Variants in NAMPT observed in about 807,000 individuals in gnomAD.
NAMPT encodes the protein NAmPRTase.
NAMPT carries 7 observed loss-of-function variants against 58.7 expected under a neutral mutation model. That is an observed-to-expected ratio of 0.12 (90% CI 0.07 to 0.22). The LOEUF is 0.22. NAMPT is among the 10% of genes least tolerant of loss of function. The pLI is 1.00. For synonymous variants in NAMPT, 145 were observed against 198.1 expected (o/e 0.73, Z 2.25); for missense variants, 271 against 567.9 (o/e 0.48, Z 5.31).
At chr7:106,285,692 C>A, upstream of NAMPT, 1 of 619,496 alleles carries the variant, frequency 1.6e-6, no homozygotes, top group South Asian at 7.2e-5. Context: ...ACTCCGCTTT[C>A]CTCCGGCGGC....
chr7:106,280,163 G>C (rs1197006684), intron 1 of NAMPT, among the ~76,000 whole-genome samples: 2 of 152,158 alleles, frequency 1.3e-5, no homozygotes, highest in Non-Finnish European at 2.9e-5. Flanking sequence ...GGTGACCAAA[G>C]AGTGCAGGAG....
chr7:106,270,214 A>G, intron 4 of NAMPT: 1 of 337,640 alleles, frequency 3.0e-6, no homozygotes, highest in South Asian at 2.2e-5. Context: ...ATGGCTTAGA[A>G]ATTCACTTCT....
At chr7:106,259,882 T>TTTC (rs1554351405) in intron 8 of NAMPT, among the ~76,000 whole-genome samples, 1 of 149,272 alleles carries the variant, frequency 6.7e-6, no homozygotes, top group African/African-American at 2.5e-5. Context: ...AACAATCTTT[T>TTTC]TTTTTTTTTT....
chr7:106,266,896 G>C (rs1792423739), intron 6 of NAMPT, among the ~76,000 whole-genome samples: 1 of 152,152 alleles, frequency 6.6e-6, no homozygotes, highest in South Asian at 2.1e-4. Flanking sequence ...TGTGCACATA[G>C]TTAACATTCA....
At chr7:106,257,337 C>A (rs1792219855) in intron 8 of NAMPT, among the ~76,000 whole-genome samples, 1 of 151,756 alleles carries the variant, frequency 6.6e-6, no homozygotes, top group Non-Finnish European at 1.5e-5. Context: ...CACATACAGG[C>A]TGGGAATGGT....
Position 106,248,870 on chromosome 7 carries a change from T to A in NAMPT, c.*2213A>T, listed in dbSNP as rs1792061133. On this transcript the variant is annotated 3_prime_UTR_variant, in exon 11 of 11. Coordinates refer to ENST00000222553, the MANE Select transcript of NAMPT (RefSeq NM_005746.3). ...AGTGCTTAGTGACAGAAAGTCAGAA[T>A]TAATCAGTTCCAAGTGACTAAGAGC... The A allele has an allele frequency of 1.3e-5, 2 of 152,096 alleles. No homozygotes were observed. Among genetic ancestry groups the A allele is most frequent in the Admixed American group, 6.6e-5 (1 of 15,244 alleles). 9.4% of individuals were successfully genotyped at this position (152,096 alleles called of 1,614,324 possible). A position where few individuals can be genotyped will look rare whatever the true frequency, so the allele number is the denominator to read the frequency against.
intron 1 of NAMPT, among the ~76,000 whole-genome samples, chr7:106,283,973 T>C (rs922893123): frequency 1.3e-5 from 2 of 152,228 alleles, no homozygotes; most frequent in Admixed American, 6.5e-5. Context: ...TCATATCAAC[T>C]GAATGTGGCA....
rs775147447 is a variant in NAMPT, at chr7:106,263,635, A to G, written c.744-18T>C. On this transcript the variant is annotated intron_variant, in intron 6 of 10. Transcript: ENST00000222553. Reference sequence around the variant, plus strand: ...TTATGGTACTAGAAAAAAAAATGAAAACACAGATTTACTTAGGCAGACACT... The same window carrying G: ...TTATGGTACTAGAAAAAAAAATGAAGACACAGATTTACTTAGGCAGACACT... 14 of 1,581,742 alleles carry G rather than the reference A, an allele frequency of 8.9e-6. No individual in the cohort carries two copies. The highest frequency in any genetic ancestry group is 1.0e-5 in the Non-Finnish European group (12 of 1,151,402).
chr7:106,271,593 AC>A (rs1370956311), intron 4 of NAMPT, among the ~76,000 whole-genome samples: 5 of 152,064 alleles, frequency 3.3e-5, no homozygotes, highest in African/African-American at 1.2e-4. Flanking sequence ...ATTTAACTGT[AC>A]CTTTTTTTTG....
At chr7:106,251,860 T>C (rs1351059580) in intron 10 of NAMPT, among the ~76,000 whole-genome samples, 3 of 152,130 alleles carry the variant, frequency 2.0e-5, no homozygotes, top group Admixed American at 6.6e-5. Context: ...TTGGGTCTGG[T>C]AGAGCCACTC....
Position 106,263,694 on chromosome 7 carries a change from C to G in NAMPT, c.744-77G>C, listed in dbSNP as rs568013961. 63 of 1,096,548 alleles carry G rather than the reference C, an allele frequency of 5.7e-5. No homozygotes were observed. In the South Asian group the frequency reaches 8.0e-4, roughly 14 times the overall value. The allele number at this position is 1,096,548 out of a possible 1,614,324, so 67.9% of individuals were successfully genotyped here. ...CCCTGAATCACCTTTAATCATATCT[C>G]ATGTTTACTATACCAAACCATCAAC... On this transcript the variant is annotated intron_variant, in intron 6 of 10. Transcript: ENST00000222553.
intron 3 of NAMPT, 58 bp from the exon 4 acceptor site, chr7:106,272,716 G>GTTTTACTAAAGGTTC: frequency 6.3e-7 from 1 of 1,582,300 alleles, no homozygotes; most frequent in South Asian, 1.1e-5. Flanking sequence ...ATTCCCTGCT[G>GTTTTACTAAAGGTTC]TTTTACTAAA....
At chr7:106,261,478 T>A (rs1195023795) in intron 8 of NAMPT, 110 bp downstream of exon 8, 3 of 921,576 alleles carry the variant, frequency 3.3e-6, no homozygotes, top group African/African-American at 1.7e-5. Flanking sequence ...TATACCAACA[T>A]AAACACTTAC....
At chr7:106,280,814 G>C (rs1266429503) in intron 1 of NAMPT, among the ~76,000 whole-genome samples, 1 of 151,704 alleles carries the variant, frequency 6.6e-6, no homozygotes, top group Non-Finnish European at 1.5e-5. Context: ...GGTGGCACGC[G>C]CCTGTAGTCC....
intron 6 of NAMPT, among the ~76,000 whole-genome samples, chr7:106,267,569 C>T (rs1366112269): frequency 9.9e-5 from 15 of 152,024 alleles, no homozygotes; most frequent in African/African-American, 2.9e-4. Context: ...ACGCCGGGCG[C>T]GGTGGCTCAC....
In NAMPT at chr7:106,254,347, AT is replaced by A. The variant is rs1442685188; in HGVS notation, c.1230+16del. 3.7e-6 allele frequency: 6 copies of A among 1,613,036 alleles called. No individual in the cohort carries two copies. The African/African-American group carries it at 8.0e-5, about 22-fold the overall frequency. On this transcript the variant is annotated intron_variant, in intron 9 of 10. Transcript: ENST00000222553. ...TAAGGAAGGTAGTAACACAGAAGTAATTAAAAGGTGACATACCCCAAGGCCA... is the reference window on the plus strand; with the variant it reads ...TAAGGAAGGTAGTAACACAGAAGTAATAAAAGGTGACATACCCCAAGGCCA...
intron 8 of NAMPT, among the ~76,000 whole-genome samples, chr7:106,257,037 G>A (rs780793662): frequency 4.6e-5 from 7 of 151,904 alleles, no homozygotes; most frequent in African/African-American, 1.7e-4. Flanking sequence ...GTAGCCGGGC[G>A]TGGTGGCACA....
At chr7:106,266,066 CAG>C (rs1307687826) in intron 6 of NAMPT, among the ~76,000 whole-genome samples, 5 of 152,152 alleles carry the variant, frequency 3.3e-5, no homozygotes, top group Admixed American at 1.3e-4. Flanking sequence ...AAATGAAGAA[CAG>C]AGAGATAAGT....
intron 3 of NAMPT, among the ~76,000 whole-genome samples, 176 bp from the exon 4 acceptor site, chr7:106,272,834 T>A (rs1792561579): frequency 6.6e-6 from 1 of 152,210 alleles, no homozygotes; most frequent in Non-Finnish European, 1.5e-5. Context: ...TAAAACTAGT[T>A]AAAATTATTA....
Sources: gnomAD v4.1 joint callset for allele counts (sites outside exome capture counted in the v4.1 genomes callset) on GRCh38, gnomAD v4.1.1 for gene constraint, MANE v1.5 for transcripts, NCBI Gene and HGNC (gene_info 2026-07-23, HGNC 2026-07-21) for gene names.